The following AVEN variants were observed in gnomAD, a reference collection of about 807,000 sequenced individuals.
The protein encoded by AVEN is apoptosis and caspase activation inhibitor, also known as cell death regulator Aven.
A neutral mutation model predicts 38.1 loss-of-function variants in AVEN; 41 were observed. The observed-to-expected ratio is 1.08, with a 90% CI of 0.84 to 1.40. The LOEUF (loss-of-function observed/expected upper bound fraction) is 1.40, where lower values mean the gene tolerates loss of function less well. Among genes scored for constraint, AVEN ranks in the 40% most tolerant of loss-of-function variants. AVEN has a pLI of 0.00. For synonymous variants in AVEN, 206 were observed against 171.8 expected, an observed-to-expected ratio of 1.20 and a Z score of -1.56; for missense variants, 605 against 438.8, an observed-to-expected ratio of 1.38 and a Z score of -3.38.
intron 3 of AVEN, chr15:34,066,175 G>A (rs1900505134): frequency 1.3e-5 from 2 of 152,250 alleles, no homozygotes; most frequent in African/African-American, 4.8e-5. Flanking sequence ...AAAGAATTCG[G>A]TGGGAACAGT....
intron 2 of AVEN, among the ~76,000 whole-genome samples, chr15:33,931,805 A>T (rs1893863634): frequency 6.6e-6 from 1 of 152,238 alleles, no homozygotes; most frequent in Admixed American, 6.5e-5. Flanking sequence ...GCAAGACCCA[A>T]TTGATTAGAA....
chr15:34,063,824 T>C lies in AVEN; in HGVS notation n.1127-392A>G. 4 of 1,614,190 alleles carry C rather than the reference T, an allele frequency of 2.5e-6. No individual in the cohort carries two copies. The highest frequency in any genetic ancestry group is 3.4e-6 in the Non-Finnish European group (4 of 1,180,026). Reference sequence around the variant, plus strand: ...ACCTTCTGTCTCCAGCAGCTGCTCATAGACCCAAGAGTCAGAAATGTGTGG... The same window carrying C: ...ACCTTCTGTCTCCAGCAGCTGCTCACAGACCCAAGAGTCAGAAATGTGTGG... On this transcript the variant is annotated intron_variant and non_coding_transcript_variant, in intron 4 of 11. Coordinates refer to the AVEN transcript ENST00000675287. This position sits in a 1 kb window ranked among gnomAD's most constrained non-coding sequence, Gnocchi z 4.1.
intron 2 of AVEN, among the ~76,000 whole-genome samples, chr15:33,905,577 C>G (rs1224321090): frequency 2.6e-5 from 4 of 152,106 alleles, no homozygotes; most frequent in African/African-American, 9.7e-5. Flanking sequence ...GGAATCCCAG[C>G]ATTTTGGGAG....
chr15:34,064,230 A>T, intron 4 of AVEN: 2 of 1,614,172 alleles, frequency 1.2e-6, no homozygotes, highest in Non-Finnish European at 1.7e-6. Context: ...CTTCAGGAAG[A>T]CCTTTAAGAT....
intron 3 of AVEN, among the ~76,000 whole-genome samples, chr15:33,871,262 C>A (rs1224672752): frequency 6.6e-6 from 1 of 152,078 alleles, no homozygotes; most frequent in African/African-American, 2.4e-5. Context: ...GGGCAATGAT[C>A]ATCCTCCCAT....
downstream of AVEN, chr15:33,861,326 T>C (rs1478236964): frequency 8.7e-6 from 5 of 576,158 alleles, no homozygotes; most frequent in Admixed American, 5.6e-5. Flanking sequence ...CCATAGACTC[T>C]GTCTCTCCCA....
chr15:34,073,986 C>CTTTTTTTTTTTTTTTTTTTT lies in AVEN; in HGVS notation n.720+449_720+450insAAAAAAAAAAAAAAAAAAAA, dbSNP rs1381411256. Among the ~76,000 whole-genome samples the CTTTTTTTTTTTTTTTTTTTT allele has an allele frequency of 8.0e-5, 9 of 112,192 alleles. 1 individual carries two copies. The highest frequency in any genetic ancestry group is 3.3e-4 in the African/African-American group (8 of 24,274). 73.6% of individuals were successfully genotyped at this position (112,192 alleles called of 152,430 possible). On this transcript the variant is annotated intron_variant and non_coding_transcript_variant, in intron 1 of 11. Coordinates refer to the AVEN transcript ENST00000675287. ...TGGAGGAACTTTCTTTTTTCTTCTT[C>CTTTTTTTTTTTTTTTTTTTT]TTCTTTTTTTTTTTTTTTTTTTTTT... is the stretch of plus-strand genomic sequence containing the variant.
At chr15:33,886,120 C>A (rs1470896785) in intron 2 of AVEN, among the ~76,000 whole-genome samples, 1 of 152,114 alleles carries the variant, frequency 6.6e-6, no homozygotes, top group African/African-American at 2.4e-5. Context: ...TATATCACGG[C>A]CCAAACAAGA....
At chr15:34,068,120 A>ATGTGTG (rs4041440) in intron 2 of AVEN, among the ~76,000 whole-genome samples, 1 of 150,400 alleles carries the variant, frequency 6.6e-6, no homozygotes, top group Non-Finnish European at 1.5e-5. Context: ...CTCTCTCTGT[A>ATGTGTG]TGTGTGTGTG....
At chr15:33,892,133 G>C (rs560641904) in intron 2 of AVEN, among the ~76,000 whole-genome samples, 9 of 152,250 alleles carry the variant, frequency 5.9e-5, no homozygotes, top group Non-Finnish European at 1.2e-4. Context: ...TTAGCCCTTT[G>C]TCAGATGGGT....
intron 3 of AVEN, among the ~76,000 whole-genome samples, chr15:33,874,995 T>C (rs953970481): frequency 1.3e-5 from 2 of 152,232 alleles, no homozygotes; most frequent in Non-Finnish European, 2.9e-5. Flanking sequence ...CCTTTTTCTA[T>C]GGCATATATA....
At chr15:33,879,698 G>A (rs936486101) in intron 2 of AVEN, among the ~76,000 whole-genome samples, 2 of 152,054 alleles carry the variant, frequency 1.3e-5, no homozygotes, top group Non-Finnish European at 1.5e-5. Flanking sequence ...GAAATCCTAC[G>A]GAATTGATCA....
At chr15:33,897,931 T>C (rs951322380) in intron 2 of AVEN, among the ~76,000 whole-genome samples, 1 of 152,002 alleles carries the variant, frequency 6.6e-6, no homozygotes, top group African/African-American at 2.4e-5. Context: ...AGCTCACGCC[T>C]GTAATCCCAG....
At chr15:33,971,807 ATT>A (rs1895651123) in intron 2 of AVEN, among the ~76,000 whole-genome samples, 1 of 152,016 alleles carries the variant, frequency 6.6e-6, no homozygotes, top group Admixed American at 6.6e-5. Context: ...ATTATGGTTA[ATT>A]TTCCTTATGA....
At chr15:34,034,978 G>C (rs1899050078) in intron 1 of AVEN, among the ~76,000 whole-genome samples, 1 of 152,178 alleles carries the variant, frequency 6.6e-6, no homozygotes, top group Non-Finnish European at 1.5e-5. Context: ...GCGGCTGGTG[G>C]CTACTCTGAG....
intron 2 of AVEN, among the ~76,000 whole-genome samples, chr15:33,931,136 A>G (rs953161464): frequency 2.0e-5 from 3 of 151,982 alleles, no homozygotes; most frequent in African/African-American, 4.8e-5. Context: ...GATACGGCAC[A>G]AACAATGAGG....
At chr15:33,996,195 A>G (rs1156678731) in intron 2 of AVEN, among the ~76,000 whole-genome samples, 1 of 152,218 alleles carries the variant, frequency 6.6e-6, no homozygotes, top group Non-Finnish European at 1.5e-5. Flanking sequence ...AAGTGGACAG[A>G]GCCCACTGCA....
intron 11 of AVEN, chr15:33,861,171 A>G (rs750773804): frequency 6.3e-7 from 1 of 1,585,516 alleles, no homozygotes; most frequent in Admixed American, 1.8e-5. Flanking sequence ...CAACTTAGCC[A>G]ACTACTTGTG....
At chr15:33,853,725 G>C in the AVEN span, 20 of 1,590,970 alleles carry the variant, frequency 1.3e-5, no homozygotes, top group Admixed American at 1.4e-4. Flanking sequence ...AGCTAAAATA[G>C]ATAGATCTTT....
Sources: allele counts gnomAD v4.1 joint callset (sites outside exome capture counted in the v4.1 genomes callset), GRCh38; gene constraint gnomAD v4.1.1; non-coding constraint Gnocchi (gnomAD v3.1); transcripts MANE v1.5; gene names NCBI Gene and HGNC (gene_info 2026-07-23, HGNC 2026-07-21).